The following ZNF697 variants were observed in gnomAD, a reference collection of about 807,000 sequenced individuals.
ZNF697 encodes zinc finger protein 697.
In ZNF697, 23 loss-of-function variants were observed where a neutral mutation model predicts 32.4. That is an observed-to-expected ratio of 0.71 (90% CI 0.51 to 1.01). The LOEUF is 1.01. Among genes scored for constraint, ZNF697 ranks in the 50% least tolerant of loss-of-function variants. The pLI, the probability that ZNF697 is intolerant of heterozygous loss-of-function variation, is 0.00. For missense variants in ZNF697, 930 were observed against 794.0 expected (o/e 1.17, Z -2.06); for synonymous variants, 418 against 337.2 (o/e 1.24, Z -2.62).
Position 119,623,940 on chromosome 1 carries a change from G to GCTC in ZNF697, c.400_402dup (p.Glu134dup). On this transcript the variant is annotated inframe_insertion, in exon 3 of 3. Coordinates refer to ENST00000421812, the MANE Select transcript of ZNF697 (RefSeq NM_001080470.2). ...CAGGGAAGTACGGGAGGGGCCGGCT[G>GCTC]CTCCTCTTCCTCCTCCAGCCGGTTC... The GCTC allele has an allele frequency of 6.3e-7, 1 of 1,595,654 alleles. No individual in the cohort carries two copies. Among genetic ancestry groups the GCTC allele is most frequent in the Non-Finnish European group, 8.5e-7 (1 of 1,171,266 alleles).
In ZNF697 at chr1:119,623,381, T is replaced by A. The variant is rs1648428197; in HGVS notation, c.962A>T (p.Glu321Val). 2 of 1,485,728 alleles carry A rather than the reference T, an allele frequency of 1.3e-6. No homozygotes were observed. The highest frequency in any genetic ancestry group is 1.8e-6 in the Non-Finnish European group (2 of 1,120,252). 92.0% of individuals were successfully genotyped at this position (1,485,728 alleles called of 1,614,324 possible). The change falls in exon 3 of 3, where the codon GAG (glutamate) becomes GTG (valine). Residue 321 changes from glutamate to valine, a missense_variant. Transcript: ENST00000421812. ...GCTGAGGCTGAAGGCCTCGCCGCAC[T>A]CGGGGCACGGGTAGGGCTTCTCGCC... ...HTGEKPYPCP[E>V]CGEAFSLSSH...
chr1:119,641,836 T>C (rs1649084601), intron 1 of ZNF697, among the ~76,000 whole-genome samples: 2 of 152,224 alleles, frequency 1.3e-5, no homozygotes, highest in South Asian at 4.1e-4. Context: ...TCTGCCATGA[T>C]TGTAAGTTTC....
intron 1 of ZNF697, among the ~76,000 whole-genome samples, chr1:119,642,441 G>C (rs907626958): frequency 2.6e-5 from 4 of 152,182 alleles, no homozygotes; most frequent in Admixed American, 6.5e-5. Flanking sequence ...TGCTGAGAGG[G>C]GGGGAGGCTG....
intron 1 of ZNF697, among the ~76,000 whole-genome samples, chr1:119,631,693 C>A (rs587623422): frequency 6.6e-6 from 1 of 152,170 alleles, no homozygotes; most frequent in Non-Finnish European, 1.5e-5. Flanking sequence ...GGAGCCAGGC[C>A]GGCAGGGCTG....
At position 119,622,423 on chromosome 1, in the gene ZNF697, G is replaced by T; in HGVS notation, c.*282C>A. On this transcript the variant is annotated 3_prime_UTR_variant, in exon 3 of 3. Transcript: ENST00000421812. ...GAACTGCCCTTCCTCAAAGTGCCTG[G>T]TCCTCCAAGCTCTTCACCCCCTACA... The T allele has an allele frequency of 3.0e-6, 1 of 330,922 alleles. No homozygotes were observed. Among genetic ancestry groups the T allele is most frequent in the Non-Finnish European group, 4.6e-6 (1 of 217,632 alleles). 20.5% of individuals were successfully genotyped at this position (330,922 alleles called of 1,614,324 possible).
In ZNF697 at chr1:119,628,264, G is replaced by A. The variant is rs587673889; in HGVS notation, c.-37-2127C>T. Among the ~76,000 whole-genome samples, 7 of 152,346 alleles carry A rather than the reference G, an allele frequency of 4.6e-5. 1 individual carries two copies. Among genetic ancestry groups the A allele is most frequent in the East Asian group, 1.9e-4 (1 of 5,188 alleles). On this transcript the variant is annotated intron_variant, in intron 1 of 2. Transcript: ENST00000421812. Reference sequence around the variant, plus strand: ...CCTGAAGGACAGGATTTAGGAGTCCGATCTGGGAAACAGGGAGCAGGGCTT... The same window carrying A: ...CCTGAAGGACAGGATTTAGGAGTCCAATCTGGGAAACAGGGAGCAGGGCTT...
rs1648399143 is a variant in ZNF697, at chr1:119,623,022, C to G, written c.1321G>C (p.Glu441Gln). The G allele has an allele frequency of 6.3e-7, 1 of 1,589,840 alleles. No individual in the cohort carries two copies. Among genetic ancestry groups the G allele is most frequent in the Non-Finnish European group, 8.6e-7 (1 of 1,166,698 alleles). The change falls in exon 3 of 3, where the codon GAG (glutamate) becomes CAG (glutamine). Residue 441 changes from glutamate (E) to glutamine (Q), a missense_variant. Coordinates refer to ENST00000421812, the MANE Select transcript of ZNF697 (RefSeq NM_001080470.2). The stretch of plus-strand genomic sequence containing the variant: ...TTACGCCCGAAGCCCTTCCCGCACT[C>G]GCGGCACACGTAGGGCCGCTCACCC... ...HSGERPYVCRECGKGFGRNSH... is the reference protein window; with the variant it reads ...HSGERPYVCRQCGKGFGRNSH...
In ZNF697 at chr1:119,626,027, T is replaced by C. The variant is rs1648573968; in HGVS notation, c.74A>G (p.Glu25Gly). Residue 25 changes from glutamate (E) to glycine (G), a missense_variant, in exon 2 of 3, where the codon GAG becomes GGG. Coordinates refer to ENST00000421812, the MANE Select transcript of ZNF697 (RefSeq NM_001080470.2). ...GTCCCCTTCCCTGTCCTCAGAGTCC[T>C]CAAAATCAGAACCCATCCCTTTGTC... ...SEDKGMGSDF[E>G]DSEDREGDPE... 1 of 1,613,988 alleles carries C rather than the reference T, an allele frequency of 6.2e-7. No individual in the cohort carries two copies. Among genetic ancestry groups the C allele is most frequent in the Admixed American group, 1.7e-5 (1 of 60,018 alleles).
intron 1 of ZNF697, among the ~76,000 whole-genome samples, chr1:119,636,751 A>G (rs1570946219): frequency 6.6e-6 from 1 of 152,186 alleles, no homozygotes; most frequent in African/African-American, 2.4e-5. Context: ...TCACTGGCAT[A>G]TTAACCTTGG....
intron 1 of ZNF697, among the ~76,000 whole-genome samples, chr1:119,637,135 A>G (rs770555378): frequency 7.2e-5 from 11 of 152,238 alleles, no homozygotes; most frequent in Non-Finnish European, 1.6e-4. Flanking sequence ...CTCTTTCCTA[A>G]CAAATCTTCA....
chr1:119,622,719 G>A lies in ZNF697; in HGVS notation c.1624C>T (p.Leu542=). Residue 542 remains leucine (L), a synonymous_variant, in exon 3 of 3, where the codon CTG becomes TTG. Coordinates refer to ENST00000421812, the MANE Select transcript of ZNF697 (RefSeq NM_001080470.2). ...YKTHLAQHQK[L]HLC Reference sequence around the variant, plus strand: ...GGACCCAGCCCCTAACACAGGTGCAGCTTCTGGTGCTGCGCGAGGTGCGTT... The same window carrying A: ...GGACCCAGCCCCTAACACAGGTGCAACTTCTGGTGCTGCGCGAGGTGCGTT... 1 of 1,538,788 alleles carries A rather than the reference G, an allele frequency of 6.5e-7. No individual in the cohort carries two copies. The highest frequency in any genetic ancestry group is 1.4e-5 in the African/African-American group (1 of 73,144).
chr1:119,631,054 C>G (rs1340111513), intron 1 of ZNF697, among the ~76,000 whole-genome samples: 1 of 152,248 alleles, frequency 6.6e-6, no homozygotes, highest in Non-Finnish European at 1.5e-5. Context: ...TGGATTTAAC[C>G]TAACTTCCTA....
Position 119,622,683 on chromosome 1 carries a change from C to A in ZNF697, c.*22G>T. The stretch of plus-strand genomic sequence containing the variant: ...TACCCCCCACAGGCTCCCCAGACGG[C>A]AGCCTCCCGCGGACCCAGCCCCTAA... On this transcript the variant is annotated 3_prime_UTR_variant, in exon 3 of 3. Transcript: ENST00000421812. 1.3e-6 allele frequency: 2 copies of A among 1,488,312 alleles called. No homozygotes were observed. Among genetic ancestry groups the A allele is most frequent in the Non-Finnish European group, 1.8e-6 (2 of 1,117,028 alleles). 92.2% of individuals were successfully genotyped at this position (1,488,312 alleles called of 1,614,324 possible). A position where few individuals can be genotyped will look rare whatever the true frequency, so the allele number is the denominator to read the frequency against.
intron 1 of ZNF697, among the ~76,000 whole-genome samples, chr1:119,646,322 A>AACACAC (rs61339576): frequency 0.16 from 22,285 of 136,762 alleles, 2,023 homozygotes; most frequent in Non-Finnish European, 0.19. Flanking sequence ...CCCCACTTCC[A>AACACAC]ACACACACAC....
rs1293760738 is a variant in ZNF697, at chr1:119,623,635, G to A, written c.708C>T (p.Gly236=). 1.5e-6 allele frequency: 1 copy of A among 668,050 alleles called. No homozygotes were observed. The allele number at this position is 668,050 out of a possible 1,614,324, so 41.4% of individuals were successfully genotyped here. ...CCCCCGCCACACCCACCCCCATCAT[G>A]CCCACCATCGCGTCGCACTCGCCCG... ...GLAGECDAMV[G]MMGVGVAGGF... is the part of the protein sequence containing the mutation. The change falls in exon 3 of 3, where the codon GGC becomes GGT. Residue 236 remains glycine (G), a synonymous_variant. Coordinates refer to ENST00000421812, the MANE Select transcript of ZNF697 (RefSeq NM_001080470.2).
intron 1 of ZNF697, among the ~76,000 whole-genome samples, chr1:119,626,353 G>A (rs1435505435): frequency 6.6e-6 from 1 of 152,198 alleles, no homozygotes; most frequent in Non-Finnish European, 1.5e-5. Flanking sequence ...GAGGTTGGAT[G>A]CCAACTCTCA....
In ZNF697 at chr1:119,621,249, C is replaced by T. The variant is rs1570933186; in HGVS notation, c.*1456G>A. ...CAAGTAAGTCTTCCTAGCAGCTGAG[C>T]TGGAGAATGCAAAAGGTCAGGCTAC... is the stretch of plus-strand genomic sequence containing the variant. On this transcript the variant is annotated 3_prime_UTR_variant, in exon 3 of 3. Coordinates refer to ENST00000421812, the MANE Select transcript of ZNF697 (RefSeq NM_001080470.2). 6.6e-6 allele frequency: 1 copy of T among 152,224 alleles called. No homozygotes were observed. The highest frequency in any genetic ancestry group is 1.5e-5 in the Non-Finnish European group (1 of 68,034). The allele number at this position is 152,224 out of a possible 1,614,324, so 9.4% of individuals were successfully genotyped here.
At chr1:119,641,264 A>T (rs1649063268) in intron 1 of ZNF697, among the ~76,000 whole-genome samples, 1 of 152,308 alleles carries the variant, frequency 6.6e-6, no homozygotes, top group East Asian at 1.9e-4. Context: ...GTAAAAGGGG[A>T]GTGTGTCTTC....
intron 1 of ZNF697, among the ~76,000 whole-genome samples, chr1:119,641,522 C>A (rs1649074547): frequency 1.3e-5 from 2 of 152,156 alleles, no homozygotes. Context: ...AAGATCTGAA[C>A]AGACACCTCA....
Sources: gnomAD v4.1 joint callset for allele counts (sites outside exome capture counted in the v4.1 genomes callset) on GRCh38, gnomAD v4.1.1 for gene constraint, MANE v1.5 for transcripts, NCBI Gene and HGNC (gene_info 2026-07-23, HGNC 2026-07-21) for gene names.